The following DGKB variants were observed in gnomAD, a reference collection of about 807,000 sequenced individuals.
DGKB encodes the protein diacylglycerol kinase beta.
A neutral mutation model predicts 114.3 loss-of-function variants in DGKB; 67 were observed. That is an observed-to-expected ratio of 0.59 (90% CI 0.48 to 0.72). The LOEUF (loss-of-function observed/expected upper bound fraction) is 0.72, where lower values mean the gene tolerates loss of function less well. Among genes scored for constraint, DGKB ranks in the 30% least tolerant of loss-of-function variants. The pLI, the probability that DGKB is intolerant of heterozygous loss-of-function variation, is 0.00. For synonymous variants in DGKB, 398 were observed against 323.1 expected (o/e 1.23, Z -2.49); for missense variants, 907 against 975.2 (o/e 0.93, Z 0.93).
chr7:14,545,868 C>A (rs943000994), intron 20 of DGKB, among the ~76,000 whole-genome samples: 9 of 152,212 alleles, frequency 5.9e-5, no homozygotes, highest in Admixed American at 2.0e-4. Flanking sequence ...TTTATCACCT[C>A]TTGAAGAAGA....
intron 21 of DGKB, among the ~76,000 whole-genome samples, chr7:14,432,511 T>C (rs566544788): frequency 6.6e-6 from 1 of 152,318 alleles, no homozygotes; most frequent in Non-Finnish European, 1.5e-5. Context: ...TTTATTATCC[T>C]ACTTCTACTT....
intron 5 of DGKB, among the ~76,000 whole-genome samples, chr7:14,721,070 C>T (rs576549970): frequency 2.6e-5 from 4 of 152,116 alleles, no homozygotes; most frequent in Admixed American, 1.3e-4. Context: ...TCCAATGTTT[C>T]CCCCTGTGGT....
At chr7:14,206,582 C>T (rs531435442) in intron 23 of DGKB, among the ~76,000 whole-genome samples, 2 of 152,074 alleles carry the variant, frequency 1.3e-5, no homozygotes, top group Non-Finnish European at 2.9e-5. Context: ...TTTGAACTTA[C>T]ATAAGGGACT....
intron 23 of DGKB, among the ~76,000 whole-genome samples, chr7:14,296,436 G>A (rs1486236391): frequency 6.6e-6 from 1 of 152,058 alleles, no homozygotes; most frequent in African/African-American, 2.4e-5. Flanking sequence ...CCAAATCTTT[G>A]CTATTGTGAA....
intron 2 of DGKB, among the ~76,000 whole-genome samples, chr7:14,823,466 G>A (rs1259888153): frequency 6.6e-6 from 1 of 151,990 alleles, no homozygotes; most frequent in Non-Finnish European, 1.5e-5. Context: ...AAGACATAGA[G>A]AATTTCAGAT....
At chr7:14,253,329 G>C (rs1584744854) in intron 23 of DGKB, among the ~76,000 whole-genome samples, 1 of 152,072 alleles carries the variant, frequency 6.6e-6, no homozygotes, top group African/African-American at 2.4e-5. Flanking sequence ...ACCAAACTCG[G>C]CCACTTAAAT....
At chr7:14,661,841 G>A (rs1817152821) in intron 13 of DGKB, among the ~76,000 whole-genome samples, 2 of 152,108 alleles carry the variant, frequency 1.3e-5, no homozygotes, top group South Asian at 2.1e-4. Flanking sequence ...TTAAGAAAAT[G>A]TGGCGCATAT....
chr7:14,415,160 T>C lies in DGKB; in HGVS notation c.1835+63001A>G, dbSNP rs537424543. ...TACATATAAATATATTTCTATTCCT[T>C]TTTGGAATTTGACTATTTTCTGGTG... On this transcript the variant is annotated intron_variant, in intron 21 of 25. Coordinates refer to ENST00000402815, the MANE Select transcript of DGKB (RefSeq NM_001350709.2). Among the ~76,000 whole-genome samples, 8 of 152,056 alleles carry C rather than the reference T, an allele frequency of 5.3e-5. No homozygotes were observed. The South Asian group carries it at 1.7e-3, about 32-fold the overall frequency.
intron 23 of DGKB, among the ~76,000 whole-genome samples, chr7:14,336,222 T>G (rs1262937066): frequency 6.6e-6 from 1 of 152,184 alleles, no homozygotes; most frequent in Non-Finnish European, 1.5e-5. Flanking sequence ...TTTGAGATAC[T>G]TTTGGTATTC....
intron 21 of DGKB, among the ~76,000 whole-genome samples, chr7:14,464,144 T>A (rs1407462817): frequency 1.3e-5 from 2 of 152,074 alleles, no homozygotes; most frequent in East Asian, 3.9e-4. Flanking sequence ...TTTAGTTATA[T>A]TTGAAAATAA....
At chr7:14,170,332 C>T (rs188189415) in intron 25 of DGKB, among the ~76,000 whole-genome samples, 2 of 152,230 alleles carry the variant, frequency 1.3e-5, no homozygotes, top group Non-Finnish European at 2.9e-5. Flanking sequence ...TCTCTGGCTT[C>T]AGGTTTTTTC....
chr7:14,275,925 A>G (rs1798925408), intron 23 of DGKB, among the ~76,000 whole-genome samples: 1 of 152,176 alleles, frequency 6.6e-6, no homozygotes, highest in Non-Finnish European at 1.5e-5. Context: ...TTCTTATCTA[A>G]TTCATAGAGT....
At chr7:14,203,011 G>T (rs1234847087) in intron 23 of DGKB, among the ~76,000 whole-genome samples, 1 of 151,484 alleles carries the variant, frequency 6.6e-6, no homozygotes, top group African/African-American at 2.4e-5. Flanking sequence ...ATGTAATACT[G>T]TAAGATTTAC....
intron 2 of DGKB, among the ~76,000 whole-genome samples, chr7:14,825,592 C>A (rs945604493): frequency 7.2e-5 from 11 of 152,226 alleles, no homozygotes; most frequent in African/African-American, 2.2e-4. Flanking sequence ...GGTGGTAATG[C>A]AAGCGATGGC....
At chr7:14,523,031 C>T (rs534403832) in intron 20 of DGKB, among the ~76,000 whole-genome samples, 9 of 151,974 alleles carry the variant, frequency 5.9e-5, no homozygotes, top group African/African-American at 1.9e-4. Context: ...TTTCTGAGGC[C>T]AGAGGATTCA....
intron 23 of DGKB, among the ~76,000 whole-genome samples, chr7:14,229,203 GTATT>G (rs1218098961): frequency 6.6e-6 from 1 of 151,978 alleles, no homozygotes; most frequent in East Asian, 1.9e-4. Flanking sequence ...TATGTGGTCA[GTATT>G]ACTCATACAT....
intron 10 of DGKB, among the ~76,000 whole-genome samples, chr7:14,683,479 C>T (rs1167679051): frequency 1.3e-5 from 2 of 151,988 alleles, no homozygotes; most frequent in African/African-American, 4.8e-5. Context: ...TACACATAAG[C>T]AAATATATGT....
At chr7:14,678,870 G>A (rs74985732) in intron 12 of DGKB, among the ~76,000 whole-genome samples, 1,575 of 152,038 alleles carry the variant, frequency 0.01, 33 homozygotes, top group African/African-American at 0.036. Context: ...AGTAGGAAAT[G>A]ACAAGACTCA....
intron 2 of DGKB, chr7:14,814,022 C>G (rs957942480): frequency 5.3e-5 from 8 of 152,032 alleles, no homozygotes; most frequent in African/African-American, 1.9e-4. Context: ...TACGTTTTCT[C>G]AATTCTGTAT....
Sources: gnomAD v4.1 joint callset for allele counts (sites outside exome capture counted in the v4.1 genomes callset) on GRCh38, gnomAD v4.1.1 for gene constraint, MANE v1.5 for transcripts, NCBI Gene and HGNC (gene_info 2026-07-23, HGNC 2026-07-21) for gene names.